CHL1: variants seen among roughly 807,000 people sequenced by gnomAD.
CHL1 encodes the protein neural cell adhesion molecule L1-like protein.
In CHL1, 96 loss-of-function variants were observed where a neutral mutation model predicts 141.9. The observed-to-expected ratio is 0.68, with a 90% CI of 0.57 to 0.80. CHL1 has a LOEUF of 0.80. Ranked by LOEUF, CHL1 falls within the 30% of genes least tolerant of loss-of-function variation. The pLI is 0.00. For missense variants in CHL1, 1,820 were observed against 1,457.2 expected, an observed-to-expected ratio of 1.25 and a Z score of -4.05; for synonymous variants, 613 against 502.2, an observed-to-expected ratio of 1.22 and a Z score of -2.95.
In CHL1 at chr3:205,131, C is replaced by T. The variant is rs532758203; in HGVS notation, c.-175+8068C>T. ...TTTTTTTTTTTTTTGGAGATAGGGT[C>T]TGGCTCTGTTGCCCAGGCTGGAGCG... is the stretch of plus-strand genomic sequence containing the variant. On this transcript the variant is annotated intron_variant, in intron 1 of 27. Coordinates refer to ENST00000256509, the MANE Select transcript of CHL1 (RefSeq NM_006614.4). Among the ~76,000 whole-genome samples, 7 of 123,608 alleles carry T rather than the reference C, an allele frequency of 5.7e-5. No individual in the cohort carries two copies. In the South Asian group the frequency reaches 1.7e-3, roughly 31 times the overall value. 81.1% of individuals were successfully genotyped at this position (123,608 alleles called of 152,430 possible). A position where few individuals can be genotyped will look rare whatever the true frequency, so the allele number is the denominator to read the frequency against.
intron 1 of CHL1, among the ~76,000 whole-genome samples, chr3:235,920 A>G (rs1187977785): frequency 1.3e-5 from 2 of 152,206 alleles, no homozygotes; most frequent in Non-Finnish European, 2.9e-5. Flanking sequence ...TAGCACCTCC[A>G]GAAGAGGGCC....
intron 5 of CHL1, among the ~76,000 whole-genome samples, chr3:334,945 ATG>A (rs1701751757): frequency 6.6e-6 from 1 of 152,258 alleles, no homozygotes; most frequent in Non-Finnish European, 1.5e-5. Context: ...AAATAAAAGA[ATG>A]AATAAAAGTA....
Position 323,729 on chromosome 3 carries a change from G to C in CHL1, c.92-2230G>C, listed in dbSNP as rs540275723. Among the ~76,000 whole-genome samples, 4 of 152,220 alleles carry C rather than the reference G, an allele frequency of 2.6e-5. No individual in the cohort carries two copies. In the East Asian group the frequency reaches 7.7e-4, roughly 29 times the overall value. The stretch of plus-strand genomic sequence containing the variant: ...AATCCATCTGCCTTCTCAAGAAATT[G>C]CAGAGATGGCCTTTAGTTCTAGCCA... On this transcript the variant is annotated intron_variant, in intron 3 of 27. Transcript: ENST00000256509.
chr3:232,042 T>G (rs1701910385), intron 1 of CHL1, among the ~76,000 whole-genome samples: 3 of 152,194 alleles, frequency 2.0e-5, no homozygotes, highest in African/African-American at 7.2e-5. Context: ...TCTGTACTTA[T>G]CAGTATTTGG....
intron 1 of CHL1, among the ~76,000 whole-genome samples, chr3:199,248 G>C (rs187908964): frequency 1.3e-5 from 2 of 152,326 alleles, no homozygotes; most frequent in Non-Finnish European, 2.9e-5. Context: ...AATCAATGGA[G>C]ACAAATAGTT....
In CHL1 at chr3:325,939, G is replaced by A. The variant is rs116619437; in HGVS notation, c.92-20G>A. The A allele has an allele frequency of 0.024, 36,940 of 1,545,108 alleles. 591 individuals carry two copies. The highest frequency in any genetic ancestry group is 0.056 in the South Asian group (4,934 of 88,432). On this transcript the variant is annotated intron_variant, in intron 3 of 27. Coordinates refer to ENST00000256509, the MANE Select transcript of CHL1 (RefSeq NM_006614.4). ...TGCTGTTTGAATAGTGTGTTTTTAA[G>A]TACATATTTTAATATTTAGTTCAAC... is the stretch of plus-strand genomic sequence containing the variant.
chr3:263,426 G>C (rs146693654), intron 2 of CHL1, among the ~76,000 whole-genome samples: 87 of 151,924 alleles, frequency 5.7e-4, no homozygotes, highest in African/African-American at 1.9e-3. Flanking sequence ...CTGTTTCTTT[G>C]TATCCTTGTG....
chr3:233,065 AG>A, intron 1 of CHL1, among the ~76,000 whole-genome samples: 1 of 152,134 alleles, frequency 6.6e-6, no homozygotes, highest in Middle Eastern at 3.4e-3. Context: ...GAAACCTTAA[AG>A]GTATCTGAGG....
At chr3:337,816 A>G (rs1488960105) in intron 5 of CHL1, among the ~76,000 whole-genome samples, 1 of 152,170 alleles carries the variant, frequency 6.6e-6, no homozygotes, top group Non-Finnish European at 1.5e-5. Context: ...TATTGTGAAT[A>G]GTGACACAAT....
chr3:367,003 C>T (rs957246086), intron 15 of CHL1, among the ~76,000 whole-genome samples: 4 of 152,146 alleles, frequency 2.6e-5, no homozygotes, highest in African/African-American at 9.7e-5. Context: ...CCAGAGAGTA[C>T]TGAGAAGTAC....
chr3:332,394 A>G (rs1187996929), intron 5 of CHL1, among the ~76,000 whole-genome samples: 1 of 152,182 alleles, frequency 6.6e-6, no homozygotes, highest in Non-Finnish European at 1.5e-5. Context: ...ATTACCTGTA[A>G]TGGAAGTAAA....
chr3:265,835 G>A (rs906596812), intron 2 of CHL1, among the ~76,000 whole-genome samples: 10 of 152,246 alleles, frequency 6.6e-5, no homozygotes, highest in Middle Eastern at 3.4e-3. Context: ...AATCAACCTC[G>A]GAGTCTCTGG....
At chr3:289,784 T>C (rs1697504053) in intron 2 of CHL1, among the ~76,000 whole-genome samples, 1 of 151,332 alleles carries the variant, frequency 6.6e-6, no homozygotes, top group Non-Finnish European at 1.5e-5. Flanking sequence ...CATATTGATT[T>C]AATACATCTT....
intron 2 of CHL1, among the ~76,000 whole-genome samples, chr3:258,423 G>A (rs1485210415): frequency 6.6e-6 from 1 of 152,192 alleles, no homozygotes; most frequent in Non-Finnish European, 1.5e-5. Flanking sequence ...TCAAGTCCAA[G>A]CTTGGAGTCA....
Position 240,946 on chromosome 3 carries a change from A to T in CHL1, c.-174-3667A>T, listed in dbSNP as rs553386061. On this transcript the variant is annotated intron_variant, in intron 1 of 27. Coordinates refer to ENST00000256509, the MANE Select transcript of CHL1 (RefSeq NM_006614.4). ...ATTTCTGGGTTCTCTATTCTGTTCC[A>T]TTGGTCTATGTGCCTAGTTTTATAC... is the stretch of plus-strand genomic sequence containing the variant. Among the ~76,000 whole-genome samples the T allele has an allele frequency of 7.9e-5, 12 of 152,188 alleles. No individual in the cohort carries two copies. The East Asian group carries it at 2.3e-3, about 29-fold the overall frequency.
chr3:287,075 C>T (rs2125321971), intron 2 of CHL1, among the ~76,000 whole-genome samples: 1 of 152,276 alleles, frequency 6.6e-6, no homozygotes, highest in African/African-American at 2.4e-5. Context: ...TCTGGGAATG[C>T]AGCCCAGTAG....
At chr3:344,735 A>T in intron 9 of CHL1, 26 bp downstream of exon 9, 2 of 1,610,918 alleles carry the variant, frequency 1.2e-6, no homozygotes, top group Non-Finnish European at 1.7e-6. Context: ...CTCACTCATG[A>T]CTTTGTCCAT....
chr3:271,281 A>G (rs867413719), intron 2 of CHL1, among the ~76,000 whole-genome samples: 4 of 152,206 alleles, frequency 2.6e-5, no homozygotes, highest in South Asian at 4.1e-4. Context: ...TTATTGTGCT[A>G]TTGTTTAATG....
At chr3:203,395 C>T (rs1699127320) in intron 1 of CHL1, among the ~76,000 whole-genome samples, 2 of 152,244 alleles carry the variant, frequency 1.3e-5, no homozygotes, top group South Asian at 2.1e-4. Context: ...AGGTTAGAAC[C>T]CAGTGGTTTG....
Sources: gnomAD v4.1 joint callset for allele counts (sites outside exome capture counted in the v4.1 genomes callset) on GRCh38, gnomAD v4.1.1 for gene constraint, MANE v1.5 for transcripts, NCBI Gene and HGNC (gene_info 2026-07-23, HGNC 2026-07-21) for gene names.